The following PLCL2 variants were observed in gnomAD, a reference collection of about 807,000 sequenced individuals.
PLCL2 encodes inactive phospholipase C-like protein 2.
In PLCL2, 4 loss-of-function variants were observed where a neutral mutation model predicts 79.6. That is an observed-to-expected ratio of 0.05 (90% CI 0.02 to 0.11). The LOEUF is 0.11. Among genes scored for constraint, PLCL2 ranks in the 10% least tolerant of loss-of-function variants. PLCL2 has a pLI of 1.00. For missense variants in PLCL2, 895 were observed against 1,291.0 expected, an observed-to-expected ratio of 0.69 and a Z score of 4.70; for synonymous variants, 484 against 457.7, an observed-to-expected ratio of 1.06 and a Z score of -0.73.
At chr3:16,893,197 C>A (rs537222070) in intron 1 of PLCL2, among the ~76,000 whole-genome samples, 2 of 152,292 alleles carry the variant, frequency 1.3e-5, no homozygotes, top group South Asian at 4.1e-4. Context: ...CCTCTCTGCT[C>A]TCCTTTGATG....
Position 16,886,231 on chromosome 3 carries a change from G to A in PLCL2, c.327+865G>A, listed in dbSNP as rs1351610684. 3.3e-5 allele frequency among the ~76,000 whole-genome samples: 5 copies of A among 152,186 alleles called. No homozygotes were observed. The highest frequency in any genetic ancestry group is 1.2e-4 in the African/African-American group (5 of 41,438). ...AAGTGCAAAAAAAAATAGTTGATGA[G>A]CTAAGAAGAGCAGAGCCTTAGGCAA... On this transcript the variant is annotated intron_variant, in intron 1 of 5. Coordinates refer to ENST00000615277, the MANE Select transcript of PLCL2 (RefSeq NM_001144382.2). The surrounding 1 kb of genome is among the most constrained non-coding windows in gnomAD (Gnocchi z 4.2).
At chr3:17,060,784 T>TA (rs1176678511) in intron 4 of PLCL2, among the ~76,000 whole-genome samples, 14 of 152,340 alleles carry the variant, frequency 9.2e-5, no homozygotes, top group Non-Finnish European at 1.9e-4. Context: ...GCACCTGTGT[T>TA]ATATGGTATT....
chr3:17,064,145 A>T (rs2064984592), intron 4 of PLCL2, among the ~76,000 whole-genome samples: 1 of 152,212 alleles, frequency 6.6e-6, no homozygotes, highest in Non-Finnish European at 1.5e-5. Context: ...AGTTCTTTAT[A>T]CACCACTGTT....
chr3:16,926,064 C>T (rs949700371), intron 1 of PLCL2, among the ~76,000 whole-genome samples: 2 of 152,154 alleles, frequency 1.3e-5, no homozygotes, highest in African/African-American at 2.4e-5. Context: ...CAAATGCTGA[C>T]AATTTGCAAG....
intron 1 of PLCL2, among the ~76,000 whole-genome samples, chr3:16,939,613 A>C (rs535052217): frequency 5.7e-4 from 87 of 152,366 alleles, no homozygotes; most frequent in African/African-American, 2.0e-3. Flanking sequence ...TGGGTGAAAC[A>C]ATAAAAAAGT....
intron 1 of PLCL2, among the ~76,000 whole-genome samples, chr3:16,996,625 A>T (rs1283455264): frequency 6.6e-6 from 1 of 152,146 alleles, no homozygotes; most frequent in Non-Finnish European, 1.5e-5. Flanking sequence ...GTTTTACAGG[A>T]ATTTGAGGAA....
At chr3:16,979,129 A>C (rs1286234519) in intron 1 of PLCL2, among the ~76,000 whole-genome samples, 2 of 152,164 alleles carry the variant, frequency 1.3e-5, no homozygotes, top group Non-Finnish European at 2.9e-5. Context: ...TTAGTATTTC[A>C]AAATCACCTC....
At chr3:16,900,008 C>G (rs866765697) in intron 1 of PLCL2, among the ~76,000 whole-genome samples, 1 of 151,610 alleles carries the variant, frequency 6.6e-6, no homozygotes, top group Non-Finnish European at 1.5e-5. Context: ...GTTTAATTAC[C>G]CTTTTAAATG....
intron 3 of PLCL2, among the ~76,000 whole-genome samples, chr3:17,019,896 A>G (rs2064429576): frequency 2.0e-5 from 3 of 152,206 alleles, no homozygotes; most frequent in Non-Finnish European, 4.4e-5. Context: ...AAGGGCTGGT[A>G]AGAGAAAATA....
chr3:16,993,057 T>C (rs2064120213), intron 1 of PLCL2, among the ~76,000 whole-genome samples: 1 of 152,180 alleles, frequency 6.6e-6, no homozygotes, highest in Non-Finnish European at 1.5e-5. Context: ...AGACTAGAAC[T>C]GGCAACCTGC....
At chr3:17,033,616 T>G (rs1366695755) in intron 3 of PLCL2, among the ~76,000 whole-genome samples, 3 of 152,146 alleles carry the variant, frequency 2.0e-5, no homozygotes, top group Non-Finnish European at 4.4e-5. Context: ...CCCTCAAACA[T>G]CCACCATATT....
chr3:16,936,896 T>C (rs1697552805), intron 1 of PLCL2, among the ~76,000 whole-genome samples: 1 of 152,100 alleles, frequency 6.6e-6, no homozygotes, highest in East Asian at 1.9e-4. Flanking sequence ...AACCCTTCAA[T>C]CTTATCTTTA....
intron 4 of PLCL2, among the ~76,000 whole-genome samples, chr3:17,045,462 C>T (rs1043956447): frequency 2.0e-5 from 3 of 151,930 alleles, no homozygotes; most frequent in Non-Finnish European, 2.9e-5. Flanking sequence ...GAAGAGGAAG[C>T]GTGGCAGGAG....
chr3:17,052,416 A>G (rs1303810429), intron 4 of PLCL2, among the ~76,000 whole-genome samples: 2 of 152,076 alleles, frequency 1.3e-5, no homozygotes, highest in Non-Finnish European at 1.5e-5. Context: ...CCCCCAAACA[A>G]ATTGATATCA....
chr3:16,929,186 G>T (rs9310514), intron 1 of PLCL2, among the ~76,000 whole-genome samples: 151,802 of 151,802 alleles, frequency 1, 75,901 homozygotes, highest in Non-Finnish European at 1. Context: ...ACCAAGGATC[G>T]TGGGAGAGAG....
At chr3:17,058,501 A>T (rs1180930336) in intron 4 of PLCL2, among the ~76,000 whole-genome samples, 1 of 152,140 alleles carries the variant, frequency 6.6e-6, no homozygotes, top group Admixed American at 6.6e-5. Context: ...ATTTACCAAG[A>T]TGCTGAAGAC....
At position 17,011,587 on chromosome 3, in the gene PLCL2, T is replaced by C; in HGVS notation, c.2241T>C (p.Ser747=). ...TCTTCAGCGCCAATACAAAAGACTC[T>C]GTCCCAGGGGTCTCACCTCAACTTC... is the stretch of plus-strand genomic sequence containing the variant. The part of the protein sequence containing the change: ...VSFFSANTKD[S]VPGVSPQLLH... The change falls in exon 2 of 6, where the codon TCT becomes TCC. Residue 747 remains serine (S), a synonymous_variant. Transcript: ENST00000615277. This position sits in a 1 kb window ranked among gnomAD's most constrained non-coding sequence, Gnocchi z 7.9. The C allele has an allele frequency of 6.2e-7, 1 of 1,614,144 alleles. No homozygotes were observed. The highest frequency in any genetic ancestry group is 1.1e-5 in the South Asian group (1 of 91,086).
chr3:17,081,016 G>A (rs932155002), intron 5 of PLCL2, among the ~76,000 whole-genome samples: 3 of 152,208 alleles, frequency 2.0e-5, no homozygotes, highest in African/African-American at 7.2e-5. Flanking sequence ...AGGTGTGTGT[G>A]TTTCAGTGTG....
chr3:16,979,357 T>TAA (rs1553640831), intron 1 of PLCL2, among the ~76,000 whole-genome samples: 27 of 18,774 alleles, frequency 1.4e-3, no homozygotes, highest in South Asian at 0.011. Flanking sequence ...TTTTTTTTTT[T>TAA]TTAATCATTC....
Sources: gnomAD v4.1 joint callset for allele counts (sites outside exome capture counted in the v4.1 genomes callset) on GRCh38, gnomAD v4.1.1 for gene constraint, Gnocchi (gnomAD v3.1) non-coding constraint, MANE v1.5 for transcripts, NCBI Gene and HGNC (gene_info 2026-07-23, HGNC 2026-07-21) for gene names.